Variants in SLTM observed in about 807,000 individuals in gnomAD.
SLTM encodes the protein SAFB like transcription modulator.
In SLTM, 43 loss-of-function variants were observed where a neutral mutation model predicts 134.6. That is an observed-to-expected ratio of 0.32 (90% CI 0.25 to 0.41). SLTM has a LOEUF of 0.41. Among genes scored for constraint, SLTM ranks in the 10% least tolerant of loss-of-function variants. The pLI, the probability that SLTM is intolerant of heterozygous loss-of-function variation, is 1.00. For synonymous variants in SLTM, 424 were observed against 432.3 expected (o/e 0.98, Z 0.24); for missense variants, 1,055 against 1,288.8 (o/e 0.82, Z 2.78).
intron 2 of SLTM, among the ~76,000 whole-genome samples, chr15:58,919,373 T>C (rs1424951781): frequency 6.6e-6 from 1 of 151,934 alleles, no homozygotes; most frequent in Non-Finnish European, 1.5e-5. Flanking sequence ...AGGGGGAGAA[T>C]CGCTTGAGCC....
chr15:58,922,073 C>A (rs1038846664), intron 2 of SLTM, among the ~76,000 whole-genome samples: 2 of 151,826 alleles, frequency 1.3e-5, no homozygotes, highest in Non-Finnish European at 2.9e-5. Context: ...AAATATAACT[C>A]ATTTTAAAAA....
At chr15:58,926,441 G>A (rs2037473804) in intron 2 of SLTM, among the ~76,000 whole-genome samples, 1 of 152,096 alleles carries the variant, frequency 6.6e-6, no homozygotes, top group African/African-American at 2.4e-5. Flanking sequence ...AATATGAAAT[G>A]TGCTTTATGT....
chr15:58,921,054 C>G (rs79044788), intron 2 of SLTM, among the ~76,000 whole-genome samples: 1 of 152,154 alleles, frequency 6.6e-6, no homozygotes, highest in African/African-American at 2.4e-5. Flanking sequence ...CACTCTGTGT[C>G]GAATTTCTCT....
Position 58,887,493 on chromosome 15 carries a change from G to A in SLTM, c.2423C>T (p.Thr808Ile). The A allele has an allele frequency of 6.2e-7, 1 of 1,613,728 alleles. No individual in the cohort carries two copies. The highest frequency in any genetic ancestry group is 8.5e-7 in the Non-Finnish European group (1 of 1,179,894). The change falls in exon 18 of 21, where the codon ACT (threonine) becomes ATT (isoleucine). Residue 808 changes from threonine (T) to isoleucine (I), a missense_variant. Coordinates refer to ENST00000380516, the MANE Select transcript of SLTM (RefSeq NM_024755.4). ...GQSEGKKARP[T>I]ARREDPSFER... ...GAAGCTTGGATCTTCCCTTCGTGCA[G>A]TAGGTCGTGCTTTTTTCCCCTCACT...
At position 58,893,915 on chromosome 15, in the gene SLTM, A is replaced by G. The variant is rs2034866314; in HGVS notation, c.1554T>C (p.Thr518=). The change falls in exon 12 of 21, where the codon ACT becomes ACC. Residue 518 remains threonine (T), a synonymous_variant. Coordinates refer to ENST00000380516, the MANE Select transcript of SLTM (RefSeq NM_024755.4). ...TCTCATCTTTACCTTCTATTTTCTT[A>G]GTATCCTTGCTTTCTTTTTTTTCAG... The part of the protein sequence containing the change: ...EKSEKKESKD[T]KKIEGKDEKN... 1.9e-6 allele frequency: 3 copies of G among 1,612,852 alleles called. No homozygotes were observed. The highest frequency in any genetic ancestry group is 1.7e-5 in the Admixed American group (1 of 59,818).
intron 5 of SLTM, among the ~76,000 whole-genome samples, chr15:58,907,478 C>T (rs1331660854): frequency 1.3e-5 from 2 of 151,966 alleles, no homozygotes; most frequent in East Asian, 3.9e-4. Flanking sequence ...AAAAGTCAGA[C>T]GGGTGTGGTG....
chr15:58,922,745 C>T (rs1156244023), intron 2 of SLTM, among the ~76,000 whole-genome samples: 2 of 150,262 alleles, frequency 1.3e-5, no homozygotes, highest in African/African-American at 4.9e-5. Context: ...TGGAGTCTCA[C>T]TCTGTCACCC....
At chr15:58,896,869 T>G (rs2035119317) in intron 9 of SLTM, among the ~76,000 whole-genome samples, 1 of 152,232 alleles carries the variant, frequency 6.6e-6, no homozygotes, top group South Asian at 2.1e-4. Flanking sequence ...TTATTAGTCC[T>G]TGGCTTAAAT....
intron 20 of SLTM, among the ~76,000 whole-genome samples, chr15:58,880,762 C>T (rs112796652): frequency 3.9e-5 from 6 of 151,970 alleles, no homozygotes; most frequent in South Asian, 4.2e-4. Context: ...GACAGGGTTG[C>T]GCCATGTTGG....
chr15:58,912,874 T>TAACA (rs2036382843), intron 4 of SLTM: 1 of 388,700 alleles, frequency 2.6e-6, no homozygotes, highest in Middle Eastern at 7.8e-4. Context: ...GCATGAATAC[T>TAACA]AACAGCACTG....
chr15:58,917,974 G>A (rs1164352285), intron 2 of SLTM, among the ~76,000 whole-genome samples: 3 of 151,636 alleles, frequency 2.0e-5, no homozygotes, highest in Non-Finnish European at 2.9e-5. Flanking sequence ...GGCTGGTTTC[G>A]AACTCCTGAC....
At chr15:58,885,642 G>C (rs1448891598) in intron 19 of SLTM, among the ~76,000 whole-genome samples, 5 of 152,084 alleles carry the variant, frequency 3.3e-5, no homozygotes, top group African/African-American at 1.2e-4. Flanking sequence ...AAATTAGCCA[G>C]GCGTGGTGGC....
intron 9 of SLTM, among the ~76,000 whole-genome samples, chr15:58,895,293 C>G (rs1440819190): frequency 1.3e-5 from 2 of 151,964 alleles, no homozygotes; most frequent in African/African-American, 4.8e-5. Context: ...AGTAAAGAAC[C>G]AATCACATAT....
Position 58,899,936 on chromosome 15 carries a change from A to T in SLTM, c.591T>A (p.Asp197Glu). The T allele has an allele frequency of 6.2e-7, 1 of 1,601,682 alleles. No homozygotes were observed. Among genetic ancestry groups the T allele is most frequent in the Non-Finnish European group, 8.5e-7 (1 of 1,172,208 alleles). ...GTGTACCATCACCAGAACCTGCTAT[A>T]TCTAAGAGGATTTAACAGGAATAAA... is the stretch of plus-strand genomic sequence containing the variant. ...QDGEEEENEK[D>E]IAGSGDGTQE... The change falls in exon 7 of 21, where the codon GAT becomes GAA. Residue 197 changes from aspartate (D) to glutamate (E), a missense_variant and splice_region_variant. Asp to Glu is a conservative substitution (Grantham distance 45). Coordinates refer to ENST00000380516, the MANE Select transcript of SLTM (RefSeq NM_024755.4). The surrounding 1 kb of genome is among the most constrained non-coding windows in gnomAD (Gnocchi z 5.0).
chr15:58,917,997 G>C (rs1402612628), intron 2 of SLTM, among the ~76,000 whole-genome samples: 12 of 151,656 alleles, frequency 7.9e-5, no homozygotes, highest in African/African-American at 2.9e-4. Context: ...CAAGTGATCT[G>C]CCCGCCTTAG....
chr15:58,924,108 C>A (rs1441466420), intron 2 of SLTM, among the ~76,000 whole-genome samples: 3 of 152,124 alleles, frequency 2.0e-5, no homozygotes, highest in Non-Finnish European at 4.4e-5. Context: ...AGCCACCACG[C>A]CTGGCCTGAA....
chr15:58,910,788 A>G (rs1350741923), intron 5 of SLTM, among the ~76,000 whole-genome samples: 2 of 133,792 alleles, frequency 1.5e-5, no homozygotes, highest in Non-Finnish European at 3.1e-5. Flanking sequence ...TCTGTTGCCT[A>G]GGCTGGAGTG....
chr15:58,907,987 T>TA (rs543493154), intron 5 of SLTM, among the ~76,000 whole-genome samples: 1,447 of 141,376 alleles, frequency 0.01, 10 homozygotes, highest in Non-Finnish European at 0.017. Flanking sequence ...GATATATCCC[T>TA]ATATAAACAT....
At chr15:58,898,662 A>G in intron 8 of SLTM, 141 bp downstream of exon 8, 1 of 637,212 alleles carries the variant, frequency 1.6e-6, no homozygotes, top group South Asian at 1.7e-5. Flanking sequence ...TCCACAGTTT[A>G]TATAAAGACC....
Sources: gnomAD v4.1 joint callset for allele counts (sites outside exome capture counted in the v4.1 genomes callset) on GRCh38, gnomAD v4.1.1 for gene constraint, Gnocchi (gnomAD v3.1) non-coding constraint, MANE v1.5 for transcripts, NCBI Gene and HGNC (gene_info 2026-07-23, HGNC 2026-07-21) for gene names.